CCDC136: variants seen among roughly 807,000 people sequenced by gnomAD.
CCDC136 encodes coiled-coil domain containing 136.
CCDC136 carries 100 observed loss-of-function variants against 141.2 expected under a neutral mutation model. The observed-to-expected ratio is 0.71, with a 90% CI of 0.60 to 0.84. CCDC136 has a LOEUF of 0.84. CCDC136 is among the 40% of genes least tolerant of loss of function. CCDC136 has a pLI of 0.00. For missense variants in CCDC136, 1,206 were observed against 1,379.4 expected, an observed-to-expected ratio of 0.87 and a Z score of 1.99; for synonymous variants, 474 against 531.9, an observed-to-expected ratio of 0.89 and a Z score of 1.50.
chr7:128,791,373 G>T, upstream of CCDC136: 1 of 615,212 alleles, frequency 1.6e-6, no homozygotes, highest in Non-Finnish European at 2.3e-6. The surrounding 1 kb of genome is among the most constrained non-coding windows in gnomAD (Gnocchi z 7.1). Context: ...GTGTCAGGAG[G>T]CCCGGCCAGG....
In CCDC136 at chr7:128,805,921, G is replaced by C. The variant is rs751148688; in HGVS notation, c.1089+20G>C. On this transcript the variant is annotated intron_variant, in intron 7 of 17. Transcript: ENST00000297788. The surrounding 1 kb of genome is among the most constrained non-coding windows in gnomAD (Gnocchi z 4.6). ...ACCCAGGTAAACACTGCCCGGGGAG[G>C]CATCTGGGGTGGGGGCAGAAGGGCC... 3.1e-6 allele frequency: 5 copies of C among 1,613,308 alleles called. No individual in the cohort carries two copies. The South Asian group carries it at 3.3e-5, about 11-fold the overall frequency.
chr7:128,790,786 G>A (rs1410344373), upstream of CCDC136: 3 of 152,246 alleles, frequency 2.0e-5, no homozygotes, highest in African/African-American at 7.2e-5. The surrounding 1 kb of genome is among the most constrained non-coding windows in gnomAD (Gnocchi z 5.4). Context: ...GGCTTGATGG[G>A]GCCACCGGAG....
Position 128,792,069 on chromosome 7 carries a change from C to T in CCDC136, c.-343C>T. 2.3e-6 allele frequency: 3 copies of T among 1,322,434 alleles called. No homozygotes were observed. Among genetic ancestry groups the T allele is most frequent in the Non-Finnish European group, 2.9e-6 (3 of 1,037,130 alleles). 81.9% of individuals were successfully genotyped at this position (1,322,434 alleles called of 1,614,324 possible). ...TCCCTGTCCCCCCGGACTAAATACG[C>T]ACACCCCCTCTTTCTTTCTGTGCAA... On this transcript the variant is annotated 5_prime_UTR_variant, in exon 1 of 18. Coordinates refer to ENST00000297788, the MANE Select transcript of CCDC136 (RefSeq NM_022742.5).
intron 11 of CCDC136, among the ~76,000 whole-genome samples, 170 bp downstream of exon 11, chr7:128,809,814 T>G (rs1585101869): frequency 6.6e-6 from 1 of 152,174 alleles, no homozygotes; most frequent in East Asian, 1.9e-4. Context: ...CCAATTAGAG[T>G]TTTTCTTATA....
At chr7:128,815,479 C>T (rs1392392654) in intron 15 of CCDC136, 135 bp from the exon 16 acceptor site, 3 of 984,630 alleles carry the variant, frequency 3.0e-6, no homozygotes, top group Non-Finnish European at 4.4e-6. Context: ...GGCTCACAGT[C>T]CCAGAGCACC....
At chr7:128,810,041 A>G in intron 11 of CCDC136, 98 bp from the exon 12 acceptor site, 1 of 734,386 alleles carries the variant, frequency 1.4e-6, no homozygotes, top group African/African-American at 1.8e-5. Flanking sequence ...GAGATTCTTC[A>G]GGGAATTGTT....
rs1483236037 is a variant in CCDC136 at position 128,807,470 on chromosome 7, G to A, written c.1530G>A (p.Leu510=). The change falls in exon 10 of 18, where the codon CTG becomes CTA. Residue 510 remains leucine, a synonymous_variant. Transcript: ENST00000297788. The part of the protein sequence containing the change: ...HMYDQLEQDL[L]LCQLELKELK... ...ATGACCAGCTGGAGCAGGACCTCCT[G>A]CTCTGCCAGCTGGAGCTGAAAGAGC... 2.6e-6 allele frequency: 4 copies of A among 1,550,172 alleles called. No individual in the cohort carries two copies. The Admixed American group carries it at 7.9e-5, about 31-fold the overall frequency.
In CCDC136 at chr7:128,792,432, G is replaced by A. The variant is rs1444261707; in HGVS notation, c.16+5G>A. On this transcript the variant is annotated splice_donor_5th_base_variant and intron_variant, in intron 1 of 17. Coordinates refer to ENST00000297788, the MANE Select transcript of CCDC136 (RefSeq NM_022742.5). The stretch of plus-strand genomic sequence containing the variant: ...GGGGGATGCAAGCTATGGAGGGTGA[G>A]TTTTCCCAAAAGGCTTCTTTCTTTC... 3 of 1,602,586 alleles carry A rather than the reference G, an allele frequency of 1.9e-6. No homozygotes were observed. Among genetic ancestry groups the A allele is most frequent in the African/African-American group, 2.7e-5 (2 of 74,056 alleles).
intron 13 of CCDC136, 78 bp from the exon 14 acceptor site, chr7:128,812,630 C>A: frequency 8.8e-7 from 1 of 1,142,038 alleles, no homozygotes; most frequent in Non-Finnish European, 1.3e-6. Context: ...TGTTTGGTAT[C>A]CAGGGAAGGG....
upstream of CCDC136, chr7:128,791,417 G>T (rs1802142467): frequency 1.6e-5 from 17 of 1,090,826 alleles, 1 homozygote; most frequent in South Asian, 4.4e-4. This position sits in a 1 kb window ranked among gnomAD's most constrained non-coding sequence, Gnocchi z 7.1. Flanking sequence ...CTCCCTCCCT[G>T]CGCACCCGGC....
intron 3 of CCDC136, among the ~76,000 whole-genome samples, chr7:128,795,693 GC>G (rs1421738103): frequency 6.6e-6 from 1 of 152,044 alleles, no homozygotes; most frequent in Non-Finnish European, 1.5e-5. Flanking sequence ...AGATTCCTGG[GC>G]CCAGCTATAC....
intron 16 of CCDC136, 96 bp downstream of exon 16, chr7:128,816,027 C>A: frequency 1.6e-6 from 2 of 1,277,100 alleles, no homozygotes; most frequent in East Asian, 2.4e-5. Flanking sequence ...TGGATATCTC[C>A]AGGAGTGGAG....
In CCDC136 at chr7:128,794,446, A is replaced by G; in HGVS notation, c.115A>G (p.Ser39Gly). Residue 39 changes from serine (S) to glycine (G), a missense_variant, in exon 2 of 18, where the codon AGT (serine) becomes GGT (glycine). By Grantham distance (56) the Ser-to-Gly change is moderately conservative. Coordinates refer to ENST00000297788, the MANE Select transcript of CCDC136 (RefSeq NM_022742.5). The surrounding 1 kb of genome is among the most constrained non-coding windows in gnomAD (Gnocchi z 4.3). ...EEEEQVQKGGSVGSLSVNKHR... is the reference protein window; with the variant it reads ...EEEEQVQKGGGVGSLSVNKHR... ...AGAAGAACAAGTGCAGAAAGGTGGC[A>G]GTGTTGGCTCTCTGTCAGTCAACAA... 3.9e-6 allele frequency: 6 copies of G among 1,552,674 alleles called. No homozygotes were observed. Among genetic ancestry groups the G allele is most frequent in the Non-Finnish European group, 5.2e-6 (6 of 1,147,382 alleles).
Position 128,817,841 on chromosome 7 carries a change from G to A in CCDC136, c.3447G>A (p.Trp1149Ter). The change falls in exon 17 of 18, where the codon TGG becomes TGA. Residue 1149 changes from tryptophan to a stop codon, truncating the protein, a stop_gained. Transcript: ENST00000297788. LOFTEE classifies it high-confidence loss of function. This position sits in a 1 kb window ranked among gnomAD's most constrained non-coding sequence, Gnocchi z 4.6. Reference protein sequence around the residue: ...VVISALLWCWWAETSS With the variant: ...VVISALLWCW ...TCTCGGCTTTGCTCTGGTGCTGGTG[G>A]GCTGAGACGTCGTCCTAATGCAGGT... 6.2e-7 allele frequency: 1 copy of A among 1,613,740 alleles called. No individual in the cohort carries two copies. Among genetic ancestry groups the A allele is most frequent in the Non-Finnish European group, 8.5e-7 (1 of 1,179,766 alleles).
Position 128,822,037 on chromosome 7 carries a change from C to G in CCDC136, c.*244C>G, listed in dbSNP as rs972739485. The G allele has an allele frequency of 8.3e-7, 1 of 1,211,962 alleles. No individual in the cohort carries two copies. The highest frequency in any genetic ancestry group is 1.6e-5 in the African/African-American group (1 of 63,704). The allele number at this position is 1,211,962 out of a possible 1,614,324, so 75.1% of individuals were successfully genotyped here. A position where few individuals can be genotyped will look rare whatever the true frequency, so the allele number is the denominator to read the frequency against. ...CCCCATCTCCTCAGCCTCAGTCACCCAGGCTGAAAAGGCTTGTGGGGAGCG... is the reference window on the plus strand; with the variant it reads ...CCCCATCTCCTCAGCCTCAGTCACCGAGGCTGAAAAGGCTTGTGGGGAGCG... On this transcript the variant is annotated 3_prime_UTR_variant, in exon 18 of 18. Coordinates refer to ENST00000297788, the MANE Select transcript of CCDC136 (RefSeq NM_022742.5).
At chr7:128,810,812 C>G (rs1562926507) in intron 12 of CCDC136, among the ~76,000 whole-genome samples, 1 of 152,218 alleles carries the variant, frequency 6.6e-6, no homozygotes, top group East Asian at 1.9e-4. Context: ...TTGGTGTTCT[C>G]TATGAGGCAA....
At position 128,805,476 on chromosome 7, in the gene CCDC136, G is replaced by A; in HGVS notation, c.900G>A (p.Arg300=). 6.2e-7 allele frequency: 1 copy of A among 1,613,836 alleles called. No homozygotes were observed. The highest frequency in any genetic ancestry group is 8.5e-7 in the Non-Finnish European group (1 of 1,179,772). The change falls in exon 6 of 18, where the codon CGG becomes CGA. Residue 300 remains arginine, a synonymous_variant. Coordinates refer to ENST00000297788, the MANE Select transcript of CCDC136 (RefSeq NM_022742.5). The surrounding 1 kb of genome is among the most constrained non-coding windows in gnomAD (Gnocchi z 4.6). ...LEPDPEMQLL[R]QQLRDAEEQM... ...CTGATCCTGAAATGCAGTTGTTACG[G>A]CAGCAGCTACGGGATGCTGAAGAGC...
chr7:128,820,224 T>C (rs1807251363), intron 17 of CCDC136, among the ~76,000 whole-genome samples: 1 of 152,190 alleles, frequency 6.6e-6, no homozygotes, highest in Admixed American at 6.5e-5. Context: ...TTTATTCAGC[T>C]CATTGGTCAC....
chr7:128,814,002 A>G (rs1806180232), intron 14 of CCDC136, among the ~76,000 whole-genome samples: 1 of 152,102 alleles, frequency 6.6e-6, no homozygotes, highest in Non-Finnish European at 1.5e-5. Context: ...GAATTATATA[A>G]TAAATCCCTG....
Sources: gnomAD v4.1 joint callset for allele counts (sites outside exome capture counted in the v4.1 genomes callset) on GRCh38, gnomAD v4.1.1 for gene constraint, Gnocchi (gnomAD v3.1) non-coding constraint, MANE v1.5 for transcripts, NCBI Gene and HGNC (gene_info 2026-07-23, HGNC 2026-07-21) for gene names.